The following METTL15 variants were observed in gnomAD, a reference collection of about 807,000 sequenced individuals.
METTL15 encodes methyltransferase 15, mitochondrial 12S rRNA N4-cytidine, also known as 12S rRNA N(4)-cytidine methyltransferase METTL15.
A neutral mutation model predicts 38.3 loss-of-function variants in METTL15; 34 were observed. That is an observed-to-expected ratio of 0.89 (90% confidence interval 0.68 to 1.18). The LOEUF (loss-of-function observed/expected upper bound fraction) is 1.18, where lower values mean the gene tolerates loss of function less well. Among genes scored for constraint, METTL15 ranks in the 50% most tolerant of loss-of-function variants. METTL15 has a pLI of 0.00. For synonymous variants in METTL15, 162 were observed against 170.9 expected (o/e 0.95, Z 0.41); for missense variants, 438 against 498.4 (o/e 0.88, Z 1.15).
At chr11:28,489,007 C>T (rs1851459823) in intron 6 of METTL15, among the ~76,000 whole-genome samples, 1 of 152,132 alleles carries the variant, frequency 6.6e-6, no homozygotes. Context: ...ACCTTACCCA[C>T]AGTAAACATT....
At chr11:28,210,505 C>T (rs1012397536) in intron 3 of METTL15, among the ~76,000 whole-genome samples, 2 of 151,342 alleles carry the variant, frequency 1.3e-5, no homozygotes, top group Non-Finnish European at 3.0e-5. Flanking sequence ...CTTCTCAGTT[C>T]ATATTTGTTA....
chr11:28,260,127 T>G (rs566759402), intron 4 of METTL15, among the ~76,000 whole-genome samples: 1 of 152,342 alleles, frequency 6.6e-6, no homozygotes, highest in South Asian at 2.1e-4. Flanking sequence ...CTCATCTTTC[T>G]CTAAGCTTCT....
chr11:28,203,469 C>G (rs1450543697), intron 3 of METTL15, among the ~76,000 whole-genome samples: 1 of 152,036 alleles, frequency 6.6e-6, no homozygotes, highest in African/African-American at 2.4e-5. Context: ...ATGTATCTAT[C>G]TTCATATTAA....
At chr11:28,245,447 A>C (rs1297914690) in intron 4 of METTL15, among the ~76,000 whole-genome samples, 4 of 152,158 alleles carry the variant, frequency 2.6e-5, no homozygotes, top group Admixed American at 2.6e-4. Flanking sequence ...TATTTCCTTC[A>C]GTGGTGTCAT....
chr11:28,184,676 T>G (rs1851428549), intron 3 of METTL15, among the ~76,000 whole-genome samples: 1 of 151,578 alleles, frequency 6.6e-6, no homozygotes, highest in South Asian at 2.1e-4. Flanking sequence ...TTGAAACATT[T>G]TAAAATTTCA....
chr11:28,412,074 TC>T (rs1238202574), intron 5 of METTL15, among the ~76,000 whole-genome samples: 2 of 151,924 alleles, frequency 1.3e-5, no homozygotes, highest in African/African-American at 4.8e-5. Context: ...GTGGCTATTA[TC>T]AAAAAGATTA....
At chr11:28,510,171 T>A (rs975705225) in intron 6 of METTL15, among the ~76,000 whole-genome samples, 3 of 152,114 alleles carry the variant, frequency 2.0e-5, no homozygotes, top group Admixed American at 2.0e-4. Flanking sequence ...TCTCAGTTGT[T>A]TGGACTTGAT....
chr11:28,496,234 T>A (rs1851534513), intron 6 of METTL15, among the ~76,000 whole-genome samples: 1 of 152,236 alleles, frequency 6.6e-6, no homozygotes, highest in East Asian at 1.9e-4. Flanking sequence ...AGCAAAGTTA[T>A]GTCTTACATG....
chr11:28,245,874 C>T (rs1350488412), intron 4 of METTL15, among the ~76,000 whole-genome samples: 1 of 152,018 alleles, frequency 6.6e-6, no homozygotes, highest in Non-Finnish European at 1.5e-5. Context: ...AACTCACTAT[C>T]ATGAGAACAG....
intron 3 of METTL15, chr11:28,163,985 A>G (rs1161521028): frequency 6.6e-6 from 1 of 152,234 alleles, no homozygotes; most frequent in East Asian, 1.9e-4. Context: ...ATGGGATTAC[A>G]TTTATGTTTT....
chr11:28,122,507 A>T (rs1049123444), intron 3 of METTL15, among the ~76,000 whole-genome samples: 3 of 150,446 alleles, frequency 2.0e-5, no homozygotes, highest in African/African-American at 7.4e-5. Context: ...ATATTTTTTC[A>T]TGCTTATTTT....
intron 5 of METTL15, among the ~76,000 whole-genome samples, chr11:28,381,333 T>A (rs1048241590): frequency 6.6e-6 from 1 of 152,148 alleles, no homozygotes; most frequent in African/African-American, 2.4e-5. Context: ...TATTATTATA[T>A]GCCTTAGGAT....
intron 4 of METTL15, among the ~76,000 whole-genome samples, chr11:28,220,522 C>A (rs1342146736): frequency 6.6e-6 from 1 of 152,210 alleles, no homozygotes; most frequent in South Asian, 2.1e-4. Context: ...TCCAATTTGC[C>A]AGTATGTGTC....
intron 6 of METTL15, among the ~76,000 whole-genome samples, chr11:28,435,071 C>A (rs973883861): frequency 6.6e-6 from 1 of 152,154 alleles, no homozygotes; most frequent in Admixed American, 6.5e-5. Flanking sequence ...AAACCTGTGT[C>A]CCCTAATTTG....
intron 6 of METTL15, among the ~76,000 whole-genome samples, chr11:28,479,876 G>A (rs1299612893): frequency 6.6e-6 from 1 of 152,148 alleles, no homozygotes; most frequent in Admixed American, 6.5e-5. Flanking sequence ...TATTGTAAAT[G>A]ACATTTAGTG....
intron 4 of METTL15, among the ~76,000 whole-genome samples, chr11:28,224,552 A>G (rs933782158): frequency 2.6e-5 from 4 of 152,046 alleles, no homozygotes; most frequent in Middle Eastern, 6.9e-3. Context: ...ATGTTCATAT[A>G]TGATACATGG....
At chr11:28,210,913 C>A in intron 3 of METTL15, 149 bp from the exon 4 acceptor site, 1 of 832,792 alleles carries the variant, frequency 1.2e-6, no homozygotes, top group Non-Finnish European at 1.8e-6. Context: ...TCACATGTAA[C>A]AAATTCAACT....
chr11:28,281,266 A>G lies in METTL15; in HGVS notation c.408-8940A>G, dbSNP rs543734432. ...TTGACCTTTCTACTAGTTTAATCCC[A>G]GTTTTAGCCCTTTAGAGCCCCATCT... On this transcript the variant is annotated intron_variant, in intron 4 of 6. Transcript: ENST00000407364. 3.5e-4 allele frequency among the ~76,000 whole-genome samples: 53 copies of G among 152,230 alleles called. 1 individual carries two copies. In the East Asian group the frequency reaches 9.9e-3, roughly 28 times the overall value.
At chr11:28,198,333 T>C (rs1851984156) in intron 3 of METTL15, among the ~76,000 whole-genome samples, 1 of 152,106 alleles carries the variant, frequency 6.6e-6, no homozygotes, top group Admixed American at 6.6e-5. Context: ...GAGTGAAAGC[T>C]ATTTATCACA....
Sources: allele counts gnomAD v4.1 joint callset (sites outside exome capture counted in the v4.1 genomes callset), GRCh38; gene constraint gnomAD v4.1.1; transcripts MANE v1.5; gene names NCBI Gene and HGNC (gene_info 2026-07-23, HGNC 2026-07-21).